The following DCDC1 variants were observed in gnomAD, a reference collection of about 807,000 sequenced individuals.
DCDC1 encodes doublecortin domain containing 1.
DCDC1 carries 200 observed loss-of-function variants against 178.3 expected under a neutral mutation model. That is an observed-to-expected ratio of 1.12 (90% CI 1.00 to 1.26). The LOEUF is 1.26. DCDC1 is among the 50% of genes most tolerant of loss of function. DCDC1 has a pLI of 0.00. For synonymous variants in DCDC1, 690 were observed against 604.8 expected, an observed-to-expected ratio of 1.14 and a Z score of -2.07; for missense variants, 1,983 against 1,749.2, an observed-to-expected ratio of 1.13 and a Z score of -2.38.
At chr11:31,101,754 A>G (rs1204046313) in intron 15 of DCDC1, among the ~76,000 whole-genome samples, 1 of 141,540 alleles carries the variant, frequency 7.1e-6, no homozygotes, top group Non-Finnish European at 1.5e-5. Context: ...TTATAGTTTA[A>G]AAAACTGTAA....
Position 31,265,495 on chromosome 11 carries a change from T to G in DCDC1, c.1054+12A>C, listed in dbSNP as rs781045606. ...ATATTATCAAATGGTTTACAAAATC[T>G]TTGCCACTTACCTTTTGAAATATCT... On this transcript the variant is annotated intron_variant, in intron 8 of 38. Coordinates refer to ENST00000684477, the MANE Select transcript of DCDC1 (RefSeq NM_001387274.1). 1 of 1,366,232 alleles carries G rather than the reference T, an allele frequency of 7.3e-7. No individual in the cohort carries two copies. Among genetic ancestry groups the G allele is most frequent in the East Asian group, 2.7e-5 (1 of 36,582 alleles). The allele number at this position is 1,366,232 out of a possible 1,614,324, so 84.6% of individuals were successfully genotyped here.
chr11:31,207,143 A>G (rs1971958642), intron 9 of DCDC1, among the ~76,000 whole-genome samples: 1 of 152,168 alleles, frequency 6.6e-6, no homozygotes, highest in Non-Finnish European at 1.5e-5. Flanking sequence ...CATTTGCACA[A>G]TGAGATAATA....
At chr11:31,294,054 A>G (rs939864482) in intron 6 of DCDC1, among the ~76,000 whole-genome samples, 1 of 152,164 alleles carries the variant, frequency 6.6e-6, no homozygotes, top group Non-Finnish European at 1.5e-5. Flanking sequence ...TTCATTCAAC[A>G]ATATTTACTG....
intron 7 of DCDC1, among the ~76,000 whole-genome samples, chr11:31,273,467 A>C (rs1195050324): frequency 6.6e-6 from 1 of 152,152 alleles, no homozygotes; most frequent in Non-Finnish European, 1.5e-5. Flanking sequence ...CTAAAATATA[A>C]CAAGTCACCT....
intron 7 of DCDC1, among the ~76,000 whole-genome samples, chr11:31,273,476 C>T (rs1259615011): frequency 1.3e-5 from 2 of 152,156 alleles, no homozygotes; most frequent in Admixed American, 6.5e-5. Flanking sequence ...AACAAGTCAC[C>T]TTTGCTCCAG....
intron 13 of DCDC1, among the ~76,000 whole-genome samples, chr11:31,104,508 C>A (rs1029741950): frequency 1.3e-5 from 2 of 151,786 alleles, no homozygotes; most frequent in Non-Finnish European, 2.9e-5. Context: ...AAAAACAAAA[C>A]AAAAGATTAA....
At chr11:31,287,786 CAG>C (rs1321054030) in intron 7 of DCDC1, among the ~76,000 whole-genome samples, 1 of 151,720 alleles carries the variant, frequency 6.6e-6, no homozygotes, top group Non-Finnish European at 1.5e-5. Context: ...ACTAGGGAAT[CAG>C]GGAAAAGAAA....
chr11:31,174,151 G>C (rs1311359926), intron 9 of DCDC1, among the ~76,000 whole-genome samples: 1 of 152,140 alleles, frequency 6.6e-6, no homozygotes, highest in Admixed American at 6.5e-5. Flanking sequence ...CCTCCCAGGT[G>C]CAACTGCAGC....
chr11:30,937,296 C>A (rs1323197674), intron 21 of DCDC1, among the ~76,000 whole-genome samples: 1 of 152,076 alleles, frequency 6.6e-6, no homozygotes, highest in Non-Finnish European at 1.5e-5. Context: ...GAGCGAGCCA[C>A]CCCAGTATTA....
intron 9 of DCDC1, among the ~76,000 whole-genome samples, chr11:31,190,946 A>C (rs569797834): frequency 1.8e-4 from 27 of 152,096 alleles, no homozygotes; most frequent in African/African-American, 6.5e-4. Flanking sequence ...TAGTTCCAGG[A>C]CCTGGATACC....
At chr11:31,304,566 G>C (rs2137571101) in intron 6 of DCDC1, among the ~76,000 whole-genome samples, 2 of 152,122 alleles carry the variant, frequency 1.3e-5, no homozygotes, top group South Asian at 4.2e-4. Flanking sequence ...TCAAGAAATT[G>C]CTTATTTCCT....
At chr11:31,240,554 C>T (rs928700330) in intron 9 of DCDC1, among the ~76,000 whole-genome samples, 1 of 151,972 alleles carries the variant, frequency 6.6e-6, no homozygotes, top group Non-Finnish European at 1.5e-5. Flanking sequence ...CCTCCCCTTC[C>T]TCTCTGCAAG....
intron 20 of DCDC1, among the ~76,000 whole-genome samples, chr11:30,980,620 GT>G (rs1950345779): frequency 6.6e-6 from 1 of 151,980 alleles, no homozygotes; most frequent in East Asian, 1.9e-4. Context: ...TTCCATTTTT[GT>G]TTTTTTCTCA....
chr11:31,125,229 C>A (rs751616664), intron 11 of DCDC1, among the ~76,000 whole-genome samples: 25 of 152,038 alleles, frequency 1.6e-4, no homozygotes, highest in Non-Finnish European at 2.4e-4. Context: ...CAATGAGATG[C>A]CATCTCATGC....
intron 2 of DCDC1, among the ~76,000 whole-genome samples, chr11:31,332,181 T>C (rs970359290): frequency 1.3e-5 from 2 of 152,236 alleles, no homozygotes; most frequent in African/African-American, 4.8e-5. Context: ...ATGTTTATAG[T>C]ATTCTCTGAT....
At chr11:31,350,632 G>T (rs1031978546) in intron 1 of DCDC1, among the ~76,000 whole-genome samples, 10 of 152,102 alleles carry the variant, frequency 6.6e-5, no homozygotes, top group Non-Finnish European at 1.3e-4. Context: ...TGAAACTGTA[G>T]ATCCATCCTG....
chr11:31,030,286 T>C (rs1034369470), intron 20 of DCDC1, among the ~76,000 whole-genome samples: 7 of 152,120 alleles, frequency 4.6e-5, no homozygotes, highest in African/African-American at 1.7e-4. Flanking sequence ...ATTAGGATGA[T>C]GACATTACCC....
intron 20 of DCDC1, among the ~76,000 whole-genome samples, chr11:31,007,650 G>A (rs1449305031): frequency 6.6e-6 from 1 of 151,666 alleles, no homozygotes; most frequent in African/African-American, 2.4e-5. Flanking sequence ...CTTCTGTTTA[G>A]GAGAAAATAG....
At chr11:30,919,660 T>C (rs997831308) in intron 25 of DCDC1, among the ~76,000 whole-genome samples, 2 of 152,166 alleles carry the variant, frequency 1.3e-5, no homozygotes, top group Non-Finnish European at 2.9e-5. Flanking sequence ...GTGCCTTTGT[T>C]AGTGTCAGTC....
Sources: allele counts gnomAD v4.1 joint callset (sites outside exome capture counted in the v4.1 genomes callset), GRCh38; gene constraint gnomAD v4.1.1; transcripts MANE v1.5; gene names NCBI Gene and HGNC (gene_info 2026-07-23, HGNC 2026-07-21).